RAD18: variants seen among roughly 807,000 people sequenced by gnomAD.
RAD18 encodes the protein E3 ubiquitin-protein ligase RAD18.
In RAD18, 47 loss-of-function variants were observed where a neutral mutation model predicts 60.4. The ratio of observed to expected loss-of-function variants is 0.78; its 90% confidence interval spans 0.62 to 0.99. The LOEUF is 0.99. Ranked by LOEUF, RAD18 falls within the 50% of genes least tolerant of loss-of-function variation. RAD18 has a pLI of 0.00. For synonymous variants in RAD18, 225 were observed against 195.5 expected (o/e 1.15, Z -1.26); for missense variants, 640 against 593.3 (o/e 1.08, Z -0.82).
chr3:8,939,210 C>T (rs1203445826), intron 6 of RAD18, among the ~76,000 whole-genome samples: 2 of 152,006 alleles, frequency 1.3e-5, no homozygotes, highest in African/African-American at 2.4e-5. Context: ...TATTCAGAGT[C>T]TAACCTTGCT....
chr3:8,888,684 T>C, intron 12 of RAD18, among the ~76,000 whole-genome samples: 1 of 152,246 alleles, frequency 6.6e-6, no homozygotes, highest in East Asian at 1.9e-4. Flanking sequence ...TGGATTCTGA[T>C]CCTGGAGGTA....
intron 4 of RAD18, among the ~76,000 whole-genome samples, chr3:8,943,434 C>T (rs1004877780): frequency 3.3e-5 from 5 of 151,766 alleles, no homozygotes; most frequent in Non-Finnish European, 2.9e-5. Context: ...AATACCATAT[C>T]TAAATTGGAT....
At chr3:8,961,615 AG>A (rs2124850107) in intron 1 of RAD18, among the ~76,000 whole-genome samples, 1 of 152,338 alleles carries the variant, frequency 6.6e-6, no homozygotes, top group South Asian at 2.1e-4. Context: ...GAAGAGTTCA[AG>A]CAAAAATTAG....
At chr3:8,897,029 A>G (rs1559760352) in intron 11 of RAD18, among the ~76,000 whole-genome samples, 1 of 152,200 alleles carries the variant, frequency 6.6e-6, no homozygotes, top group Non-Finnish European at 1.5e-5. Context: ...CAAGTTCAAA[A>G]AAGAATTAAA....
chr3:8,898,364 G>C (rs565614912), intron 11 of RAD18, among the ~76,000 whole-genome samples: 1 of 135,730 alleles, frequency 7.4e-6, no homozygotes, highest in African/African-American at 2.7e-5. Context: ...ACAAAAACTG[G>C]TATGTGTGTG....
intron 10 of RAD18, among the ~76,000 whole-genome samples, chr3:8,901,035 G>A (rs17049726): frequency 0.14 from 21,238 of 152,146 alleles, 1,812 homozygotes; most frequent in East Asian, 0.24. Context: ...AGTTCGAGTT[G>A]TTCAATGACC....
intron 7 of RAD18, among the ~76,000 whole-genome samples, chr3:8,925,916 A>C (rs1940425006): frequency 6.6e-6 from 1 of 152,240 alleles, no homozygotes; most frequent in African/African-American, 2.4e-5. Flanking sequence ...GTACCTCAAA[A>C]TAAGAAGAGC....
At chr3:8,890,519 T>G in intron 11 of RAD18, 68 bp from the exon 12 acceptor site, 1 of 1,265,536 alleles carries the variant, frequency 7.9e-7, no homozygotes, top group Non-Finnish European at 1.1e-6. Flanking sequence ...TATATAAAAT[T>G]CTAGAAAAAA....
chr3:8,883,244 T>G (rs1939503673), intron 12 of RAD18, among the ~76,000 whole-genome samples: 1 of 152,146 alleles, frequency 6.6e-6, no homozygotes, highest in African/African-American at 2.4e-5. Flanking sequence ...GCTGTGGATT[T>G]TCTAAAAACG....
At chr3:8,947,191 T>G (rs369449473) in intron 4 of RAD18, 29 bp downstream of exon 4, 2 of 1,529,232 alleles carry the variant, frequency 1.3e-6, no homozygotes, top group Admixed American at 3.4e-5. Context: ...CAAAAGTAGT[T>G]AGAGGTTAGT....
At chr3:8,893,815 TCTC>T (rs994281249) in intron 11 of RAD18, among the ~76,000 whole-genome samples, 2 of 149,394 alleles carry the variant, frequency 1.3e-5, no homozygotes, top group Non-Finnish European at 3.0e-5. Flanking sequence ...TCCCACCACA[TCTC>T]CTGAGTAGTT....
At chr3:8,909,326 C>A (rs770873071) in intron 9 of RAD18, among the ~76,000 whole-genome samples, 5 of 152,062 alleles carry the variant, frequency 3.3e-5, no homozygotes, top group Non-Finnish European at 5.9e-5. Context: ...AGGAGGGCAG[C>A]AAGGCAGAAA....
At chr3:8,958,865 A>G (rs1941052417) in intron 2 of RAD18, 55 bp downstream of exon 2, 2 of 1,336,908 alleles carry the variant, frequency 1.5e-6, no homozygotes. Flanking sequence ...TTAAATTAAC[A>G]CTACCTCATG....
chr3:8,893,551 C>G (rs1939728609), intron 11 of RAD18, among the ~76,000 whole-genome samples: 1 of 152,062 alleles, frequency 6.6e-6, no homozygotes, highest in African/African-American at 2.4e-5. Flanking sequence ...AATATTTTAG[C>G]AGTTGGCTAA....
chr3:8,943,701 G>T (rs965688331), intron 4 of RAD18, among the ~76,000 whole-genome samples: 2 of 150,446 alleles, frequency 1.3e-5, no homozygotes, highest in African/African-American at 2.4e-5. Flanking sequence ...TACATGAAAC[G>T]CAACAACAGA....
At chr3:8,917,207 T>C (rs1232694443) in intron 7 of RAD18, among the ~76,000 whole-genome samples, 1 of 152,146 alleles carries the variant, frequency 6.6e-6, no homozygotes, top group Admixed American at 6.5e-5. Context: ...AGAATTCTAA[T>C]AAAAATATCT....
intron 7 of RAD18, among the ~76,000 whole-genome samples, chr3:8,932,335 GT>G (rs1188971425): frequency 6.6e-6 from 1 of 152,100 alleles, no homozygotes; most frequent in African/African-American, 2.4e-5. Context: ...AATAAAAAGA[GT>G]TAAGGGGCAG....
chr3:8,908,746 AATG>A (rs1248237734), intron 9 of RAD18, among the ~76,000 whole-genome samples: 1 of 152,248 alleles, frequency 6.6e-6, no homozygotes, highest in African/African-American at 2.4e-5. Flanking sequence ...CACAATAAAT[AATG>A]ATTATGACCA....
chr3:8,909,555 G>C (rs1218719187), intron 9 of RAD18, among the ~76,000 whole-genome samples: 1 of 151,886 alleles, frequency 6.6e-6, no homozygotes, highest in Non-Finnish European at 1.5e-5. Flanking sequence ...TAAAGAATCA[G>C]AATGGCAAGC....
Sources: allele counts gnomAD v4.1 joint callset (sites outside exome capture counted in the v4.1 genomes callset), GRCh38; gene constraint gnomAD v4.1.1; transcripts MANE v1.5; gene names NCBI Gene and HGNC (gene_info 2026-07-23, HGNC 2026-07-21).